CIMAP1D: variants seen among roughly 807,000 people sequenced by gnomAD.
CIMAP1D encodes protein CIMAP1D.
the CIMAP1D span, chr19:463,627 A>ACTGGAAGGAGACTCAC: frequency 1.5e-6 from 1 of 654,204 alleles, no homozygotes; most frequent in African/African-American, 1.9e-5. Flanking sequence ...AAACTGGGGC[A>ACTGGAAGGAGACTCAC]CTGGAAGGAG....
the CIMAP1D span, chr19:464,491 C>G: frequency 4.4e-6 from 3 of 681,896 alleles, no homozygotes; most frequent in Admixed American, 5.4e-5. Flanking sequence ...GTGCCTTTCT[C>G]TCCCTTCCCC....
At chr19:472,340 G>T in the CIMAP1D span, 4 of 1,087,924 alleles carry the variant, frequency 3.7e-6, no homozygotes, top group South Asian at 1.7e-5. Flanking sequence ...CAGTGCTCCT[G>T]GGGGGAGATT....
chr19:466,513 T>C, the CIMAP1D span, among the ~76,000 whole-genome samples: 1 of 148,018 alleles, frequency 6.8e-6, no homozygotes, highest in African/African-American at 2.5e-5. Flanking sequence ...AGATGGTGGA[T>C]GGATGGGTGG....
chr19:480,618 GAAGGATGATGGGGAAGGATGATGGT>G, the CIMAP1D span, among the ~76,000 whole-genome samples: 5,898 of 121,534 alleles, frequency 0.049, 6 homozygotes, highest in Non-Finnish European at 0.057. Flanking sequence ...AGGATGATGG[GAAGGATGATGGGGAAGGATGATGGT>G]AAGGATGATG....
chr19:472,541 T>C, the CIMAP1D span: 17 of 1,391,838 alleles, frequency 1.2e-5, no homozygotes, highest in Admixed American at 2.2e-5. Flanking sequence ...TGGGCCCAGA[T>C]TCCCCGAAGA....
the CIMAP1D span, chr19:463,938 GA>G: frequency 1.9e-6 from 3 of 1,611,534 alleles, no homozygotes; most frequent in South Asian, 3.3e-5. Flanking sequence ...GATGCCCATA[GA>G]GAACGCTGGA....
At chr19:466,812 G>GA in the CIMAP1D span, among the ~76,000 whole-genome samples, 1 of 101,770 alleles carries the variant, frequency 9.8e-6, no homozygotes, top group Non-Finnish European at 2.0e-5. Context: ...TGGGTGGATG[G>GA]TGGAAGGATG....
the CIMAP1D span, among the ~76,000 whole-genome samples, chr19:465,142 GAT>G: frequency 1.4e-5 from 2 of 145,042 alleles, no homozygotes; most frequent in Non-Finnish European, 1.5e-5. Context: ...TGGATGGATG[GAT>G]GGGTGGGTGG....
chr19:490,205 A>C, the CIMAP1D span: 1 of 319,698 alleles, frequency 3.1e-6, no homozygotes. Flanking sequence ...AAAATACAAA[A>C]ATTAGCCGGG....
the CIMAP1D span, among the ~76,000 whole-genome samples, chr19:483,787 T>C: frequency 6.6e-6 from 1 of 152,208 alleles, no homozygotes; most frequent in Admixed American, 6.5e-5. Context: ...GGGCCGGCTC[T>C]GGGATCAACA....
chr19:475,249 C>T, the CIMAP1D span, among the ~76,000 whole-genome samples: 9 of 152,316 alleles, frequency 5.9e-5, no homozygotes, highest in East Asian at 1.5e-3. Context: ...AGCCAAGAAG[C>T]ATTCACTGCC....
the CIMAP1D span, among the ~76,000 whole-genome samples, chr19:483,699 G>T: frequency 6.6e-6 from 1 of 152,028 alleles, no homozygotes; most frequent in East Asian, 1.9e-4. Flanking sequence ...CAGGGCCTGC[G>T]GAAGACCCTG....
the CIMAP1D span, among the ~76,000 whole-genome samples, chr19:488,815 C>G: frequency 1.3e-5 from 2 of 152,222 alleles, no homozygotes; most frequent in African/African-American, 4.8e-5. Flanking sequence ...CCAGGCCTCC[C>G]GGGACCAGCG....
the CIMAP1D span, among the ~76,000 whole-genome samples, chr19:470,863 C>CG: frequency 6.6e-6 from 1 of 152,244 alleles, no homozygotes; most frequent in East Asian, 1.9e-4. Flanking sequence ...GGGTCCACGC[C>CG]GGAGCTGCTT....
At chr19:479,523 G>C in the CIMAP1D span, among the ~76,000 whole-genome samples, 30 of 150,888 alleles carry the variant, frequency 2.0e-4, no homozygotes, top group Non-Finnish European at 3.4e-4. Context: ...TCCTGCCTCA[G>C]CCTCTCGCGT....
the CIMAP1D span, among the ~76,000 whole-genome samples, chr19:480,394 G>A: frequency 8.5e-5 from 13 of 152,360 alleles, no homozygotes; most frequent in Non-Finnish European, 1.6e-4. Context: ...GGGCGGTGCC[G>A]GGAGAGGGCG....
the CIMAP1D span, among the ~76,000 whole-genome samples, chr19:464,627 G>A: frequency 6.6e-6 from 1 of 152,166 alleles, no homozygotes; most frequent in South Asian, 2.1e-4. Context: ...CCAGGGTAGA[G>A]CCCTCACAGC....
chr19:471,350 A>G, the CIMAP1D span, among the ~76,000 whole-genome samples: 1 of 151,720 alleles, frequency 6.6e-6, no homozygotes, highest in Non-Finnish European at 1.5e-5. Context: ...GGGTTTCACC[A>G]TGTTAGCCAG....
At chr19:467,321 G>A in the CIMAP1D span, among the ~76,000 whole-genome samples, 4,116 of 151,894 alleles carry the variant, frequency 0.027, 150 homozygotes, top group African/African-American at 0.086. Context: ...TCAGGTGTGC[G>A]GGCAAACTGT....
Sources: allele counts gnomAD v4.1 joint callset (sites outside exome capture counted in the v4.1 genomes callset), GRCh38; gene constraint gnomAD v4.1.1; transcripts MANE v1.5; gene names NCBI Gene and HGNC (gene_info 2026-07-23, HGNC 2026-07-21).